Variants in LRP2BP observed in about 807,000 individuals in gnomAD.
The protein encoded by LRP2BP is LRP2-binding protein.
A neutral mutation model predicts 45.2 loss-of-function variants in LRP2BP; 38 were observed. That is an observed-to-expected ratio of 0.84 (90% CI 0.65 to 1.10). The LOEUF (loss-of-function observed/expected upper bound fraction) is 1.10, where lower values mean the gene tolerates loss of function less well. LRP2BP is among the 50% of genes least tolerant of loss of function. LRP2BP has a pLI of 0.00. For missense variants in LRP2BP, 385 were observed against 418.9 expected (o/e 0.92, Z 0.71); for synonymous variants, 153 against 153.9 (o/e 0.99, Z 0.04).
chr4:185,396,825 G>C (rs2095504654), upstream of LRP2BP: 1 of 1,334,760 alleles, frequency 7.5e-7, no homozygotes, highest in Non-Finnish European at 1.1e-6. Context: ...AAATTCTCCC[G>C]TGCTAGGGCC....
In LRP2BP at chr4:185,377,665, G is replaced by C. The variant is rs547203162; in HGVS notation, c.106+416C>G. The C allele has an allele frequency of 3.2e-4, 55 of 169,852 alleles. No individual in the cohort carries two copies. In the South Asian group the frequency reaches 8.3e-3, roughly 26 times the overall value. The allele number at this position is 169,852 out of a possible 1,614,324, so 10.5% of individuals were successfully genotyped here. ...AATGGGCAAAGCTCTCTGGAGAGGT[G>C]AGTTAAATTCTTAATTTGAGCCTTA... On this transcript the variant is annotated intron_variant, in intron 2 of 8. Transcript: ENST00000505916.
chr4:185,383,167 T>C (rs533981632), intron 1 of LRP2BP, among the ~76,000 whole-genome samples: 7 of 152,206 alleles, frequency 4.6e-5, no homozygotes, highest in Non-Finnish European at 1.0e-4. Context: ...AACTTTGTGC[T>C]CTGAACCATC....
chr4:185,385,723 A>G (rs914013073), intron 1 of LRP2BP, among the ~76,000 whole-genome samples: 3 of 149,906 alleles, frequency 2.0e-5, no homozygotes, highest in African/African-American at 2.4e-5. Flanking sequence ...CAAAAAGGTG[A>G]AACTCCGTCT....
At chr4:185,386,648 T>TG (rs1419571648) in intron 1 of LRP2BP, among the ~76,000 whole-genome samples, 1 of 152,178 alleles carries the variant, frequency 6.6e-6, no homozygotes, top group Non-Finnish European at 1.5e-5. Context: ...TCACTAGTCC[T>TG]GGCCCAAACT....
In LRP2BP at chr4:185,367,515, A is replaced by G. The variant is rs116184732; in HGVS notation, c.979-270T>C. ...ACTTAAGCACCAATGATAGCATTGT[A>G]TGTTATGAATTATTAAAATAAGTAA... On this transcript the variant is annotated intron_variant, in intron 8 of 8. Transcript: ENST00000505916. 3.2e-3 allele frequency among the ~76,000 whole-genome samples: 483 copies of G among 152,350 alleles called. 4 individuals are homozygous for G. Among genetic ancestry groups the G allele is most frequent in the African/African-American group, 0.011 (474 of 41,582 alleles).
intron 7 of LRP2BP, among the ~76,000 whole-genome samples, chr4:185,371,431 A>G (rs947206954): frequency 2.0e-5 from 3 of 151,134 alleles, no homozygotes; most frequent in African/African-American, 7.3e-5. Context: ...AGTCCCAGCT[A>G]CTCGGGAGGC....
chr4:185,373,037 C>T lies in LRP2BP; in HGVS notation c.622G>A (p.Glu208Lys). Reference sequence around the variant, plus strand: ...ATGAGCCCAAGTGCACCCTGGGACTCCAGATTCCCATTGCCACATGCTTCG... The same window carrying T: ...ATGAGCCCAAGTGCACCCTGGGACTTCAGATTCCCATTGCCACATGCTTCG... ...HSEACGNGNLESQGALGLMYL... is the reference protein window; with the variant it reads ...HSEACGNGNLKSQGALGLMYL... Residue 208 changes from glutamate (E) to lysine (K), a missense_variant, in exon 7 of 9, where the codon GAG (glutamate) becomes AAG (lysine). Transcript: ENST00000505916. The T allele has an allele frequency of 6.2e-7, 1 of 1,611,894 alleles. No individual in the cohort carries two copies. Among genetic ancestry groups the T allele is most frequent in the East Asian group, 2.2e-5 (1 of 44,774 alleles).
At chr4:185,371,365 C>T (rs995535578) in intron 7 of LRP2BP, among the ~76,000 whole-genome samples, 14 of 151,786 alleles carry the variant, frequency 9.2e-5, no homozygotes, top group African/African-American at 2.9e-4. Context: ...TGGTGAAACC[C>T]CGTCTCTACT....
chr4:185,387,628 A>C (rs1447600624), intron 1 of LRP2BP, among the ~76,000 whole-genome samples: 1 of 152,098 alleles, frequency 6.6e-6, no homozygotes, highest in African/African-American at 2.4e-5. Flanking sequence ...TCTCTTCTCT[A>C]TTTCTCAAAT....
intron 1 of LRP2BP, among the ~76,000 whole-genome samples, chr4:185,391,535 T>C (rs769308822): frequency 2.0e-5 from 3 of 152,244 alleles, no homozygotes; most frequent in Non-Finnish European, 4.4e-5. Flanking sequence ...GTTGTTTATA[T>C]CAGTATAGAC....
chr4:185,397,110 C>G, upstream of LRP2BP: 1 of 1,611,312 alleles, frequency 6.2e-7, no homozygotes. Flanking sequence ...CGGGACTGGA[C>G]AAAGGTGGGA....
intron 1 of LRP2BP, among the ~76,000 whole-genome samples, chr4:185,394,190 C>T (rs12108273): frequency 5.0e-4 from 74 of 147,376 alleles, no homozygotes; most frequent in African/African-American, 1.8e-3. Context: ...CCCGGGAAGA[C>T]GGAGGTTGCA....
Position 185,374,199 on chromosome 4 carries a change from C to T in LRP2BP, c.515G>A (p.Ser172Asn), listed in dbSNP as rs752535266. The T allele has an allele frequency of 3.7e-6, 6 of 1,614,092 alleles. No homozygotes were observed. The highest frequency in any genetic ancestry group is 3.3e-5 in the South Asian group (3 of 91,084). Residue 172 changes from serine to asparagine, a missense_variant, in exon 6 of 9, where the codon AGT becomes AAT. Ser to Asn is a conservative substitution (Grantham distance 46). Transcript: ENST00000505916. The part of the protein sequence containing the change: ...IAADNGNPKA[S>N]VKAQSMLGLY... ...CCCGAGCATACTTTGAGCCTTCACA[C>T]TAGCTTTGGGATTTCCATTGTCTGC...
chr4:185,386,180 A>T (rs2095471373), intron 1 of LRP2BP, among the ~76,000 whole-genome samples: 1 of 152,254 alleles, frequency 6.6e-6, no homozygotes, highest in Admixed American at 6.5e-5. Flanking sequence ...ATATATTTTA[A>T]AAAGAAGCAT....
At chr4:185,385,116 T>C (rs1218995248) in intron 1 of LRP2BP, among the ~76,000 whole-genome samples, 1 of 152,186 alleles carries the variant, frequency 6.6e-6, no homozygotes, top group East Asian at 1.9e-4. Context: ...TATTTTTCTC[T>C]GATTTACCAT....
At position 185,374,243 on chromosome 4, in the gene LRP2BP, A is replaced by G. The variant is rs769346840; in HGVS notation, c.474-3T>C. ...TGTCTGCTGCGATAAGCCACAGTCT[A>G]CAAGAGAAAGTGAGGCATGTTATTC... On this transcript the variant is annotated splice_region_variant and splice_polypyrimidine_tract_variant and intron_variant, in intron 5 of 8. Coordinates refer to ENST00000505916, the MANE Select transcript of LRP2BP (RefSeq NM_001377440.1). 8.1e-6 allele frequency: 13 copies of G among 1,614,018 alleles called. No individual in the cohort carries two copies. The highest frequency in any genetic ancestry group is 5.3e-5 in the African/African-American group (4 of 74,920).
intron 1 of LRP2BP, among the ~76,000 whole-genome samples, chr4:185,384,491 T>C (rs927436645): frequency 1.9e-4 from 29 of 152,002 alleles, no homozygotes; most frequent in African/African-American, 6.8e-4. Flanking sequence ...TAAAATTAAT[T>C]ACATTTGCTG....
chr4:185,372,152 G>A (rs564385608), intron 7 of LRP2BP, among the ~76,000 whole-genome samples: 1 of 152,292 alleles, frequency 6.6e-6, no homozygotes, highest in East Asian at 1.9e-4. Flanking sequence ...TGCAGTTATA[G>A]AACTGCATGA....
chr4:185,370,236 A>G (rs1354795596), intron 8 of LRP2BP: 2 of 161,702 alleles, frequency 1.2e-5, no homozygotes, highest in Admixed American at 6.0e-5. Flanking sequence ...ATCCCGCCTA[A>G]GTGGGGTAGA....
Sources: allele counts gnomAD v4.1 joint callset (sites outside exome capture counted in the v4.1 genomes callset), GRCh38; gene constraint gnomAD v4.1.1; transcripts MANE v1.5; gene names NCBI Gene and HGNC (gene_info 2026-07-23, HGNC 2026-07-21).